NUP205: variants seen among roughly 807,000 people sequenced by gnomAD.
The protein encoded by NUP205 is nuclear pore complex protein Nup205.
Under a neutral mutation model 253.8 loss-of-function variants are expected in NUP205, and 76 were observed. The ratio of observed to expected loss-of-function variants is 0.30; its 90% CI spans 0.25 to 0.36. The LOEUF is 0.36. Among genes scored for constraint, NUP205 ranks in the 10% least tolerant of loss-of-function variants. The probability of loss-of-function intolerance (pLI) is 1.00; values close to 1 mark genes in which losing one functional copy is unlikely to be tolerated. For synonymous variants in NUP205, 832 were observed against 850.1 expected (o/e 0.98, Z 0.37); for missense variants, 2,162 against 2,425.5 (o/e 0.89, Z 2.28).
chr7:135,607,409 G>T lies in NUP205; in HGVS notation c.3195+38G>T, dbSNP rs145973956. 3 of 1,604,492 alleles carry T rather than the reference G, an allele frequency of 1.9e-6. No individual in the cohort carries two copies. In the African/African-American group the frequency reaches 4.0e-5, roughly 22 times the overall value. ...CTGCGTTTTGTGGTACTGAATAGAA[G>T]AAACTTGACCAGGTGCATGAGTACG... On this transcript the variant is annotated intron_variant, in intron 22 of 42. Coordinates refer to ENST00000285968, the MANE Select transcript of NUP205 (RefSeq NM_015135.3).
At chr7:135,631,549 T>A (rs1056136770) in intron 35 of NUP205, among the ~76,000 whole-genome samples, 109 of 152,344 alleles carry the variant, frequency 7.2e-4, no homozygotes, top group African/African-American at 2.3e-3. Flanking sequence ...AGATGATGTT[T>A]GCTTATATCA....
At chr7:135,639,507 T>A (rs188497395) in intron 38 of NUP205, among the ~76,000 whole-genome samples, 104 of 152,160 alleles carry the variant, frequency 6.8e-4, no homozygotes, top group Non-Finnish European at 1.3e-3. Context: ...CTGGCCAACA[T>A]GGTGAAACCC....
At chr7:135,601,297 C>A in intron 16 of NUP205, 73 bp from the exon 17 acceptor site, 1 of 1,333,748 alleles carries the variant, frequency 7.5e-7, no homozygotes, top group Non-Finnish European at 1.0e-6. Context: ...AAGTCTCATA[C>A]ATTTCATATA....
Position 135,635,610 on chromosome 7 carries a change from A to G in NUP205, c.5089A>G (p.Asn1697Asp), listed in dbSNP as rs772866122. The change falls in exon 36 of 43, where the codon AAT (asparagine) becomes GAT (aspartate). Residue 1697 changes from asparagine (N) to aspartate (D), a missense_variant. By Grantham distance (23) the Asn-to-Asp change is conservative. Around this residue, in one of 5 missense-constraint regions of NUP205, gnomAD observed 1,144 missense variants for 1,280.9 expected, o/e 0.89. Coordinates refer to ENST00000285968, the MANE Select transcript of NUP205 (RefSeq NM_015135.3). ...ATTAAGTGAACTTGACGTTGATGTA[A>G]ATGAAGGGTCTCTAATGGAGCTACA... Reference protein sequence around the residue: ...GILSELDVDVNEGSLMELQGH... With the variant: ...GILSELDVDVDEGSLMELQGH... 2 of 1,595,104 alleles carry G rather than the reference A, an allele frequency of 1.3e-6. No homozygotes were observed. Among genetic ancestry groups the G allele is most frequent in the South Asian group, 1.1e-5 (1 of 89,624 alleles).
At chr7:135,617,778 T>G (rs1288140479) in intron 27 of NUP205, 96 bp downstream of exon 27, 1 of 636,544 alleles carries the variant, frequency 1.6e-6, no homozygotes, top group East Asian at 2.8e-5. Context: ...AGTTTGCTAA[T>G]TAGTAAGCTG....
At position 135,594,854 on chromosome 7, in the gene NUP205, G is replaced by A. The variant is rs181775098; in HGVS notation, c.2013+125G>A. 3.9e-4 allele frequency: 278 copies of A among 714,100 alleles called. No individual in the cohort carries two copies. The African/African-American group carries it at 4.1e-3, about 10-fold the overall frequency. The allele number at this position is 714,100 out of a possible 1,614,324, so 44.2% of individuals were successfully genotyped here. A position where few individuals can be genotyped will look rare whatever the true frequency, so the allele number is the denominator to read the frequency against. On this transcript the variant is annotated intron_variant, in intron 13 of 42. Coordinates refer to ENST00000285968, the MANE Select transcript of NUP205 (RefSeq NM_015135.3). ...TCATGAACATCCCAACTAGAGTTAC[G>A]GTTTAGGGACTGAGCATAGCAATAG...
chr7:135,598,415 C>T (rs1459235263), intron 15 of NUP205, among the ~76,000 whole-genome samples: 1 of 152,146 alleles, frequency 6.6e-6, no homozygotes, highest in East Asian at 1.9e-4. Context: ...CATTAGTCAT[C>T]AGTAATCTAA....
intron 1 of NUP205, among the ~76,000 whole-genome samples, chr7:135,561,924 C>CTTCCTTCT (rs1819497527): frequency 6.6e-6 from 1 of 151,318 alleles, no homozygotes; most frequent in Admixed American, 6.6e-5. Context: ...TCCCTCCTTC[C>CTTCCTTCT]TTCCTTCCTT....
chr7:135,575,736 A>G (rs1485384917), intron 3 of NUP205, among the ~76,000 whole-genome samples: 1 of 152,176 alleles, frequency 6.6e-6, no homozygotes, highest in Non-Finnish European at 1.5e-5. Context: ...CAGAGGTTGC[A>G]GTGAGATCAC....
intron 19 of NUP205, 110 bp from the exon 20 acceptor site, chr7:135,606,035 G>C (rs1196618658): frequency 1.4e-6 from 1 of 724,920 alleles, no homozygotes; most frequent in Non-Finnish European, 2.4e-6. Context: ...TACCTAAGCA[G>C]GTTTGCCTAT....
At chr7:135,632,180 T>G (rs1794728391) in intron 35 of NUP205, among the ~76,000 whole-genome samples, 1 of 152,236 alleles carries the variant, frequency 6.6e-6, no homozygotes, top group Non-Finnish European at 1.5e-5. Flanking sequence ...GATTATGATT[T>G]TCTTTTGCTT....
chr7:135,587,483 A>G (rs1165751380), intron 8 of NUP205, 92 bp from the exon 9 acceptor site: 4 of 570,742 alleles, frequency 7.0e-6, no homozygotes, highest in Non-Finnish European at 1.2e-5. Flanking sequence ...ATATTCTTGT[A>G]TGTAGTCACT....
intron 11 of NUP205, among the ~76,000 whole-genome samples, chr7:135,591,980 C>T (rs1198148536): frequency 2.6e-5 from 4 of 152,066 alleles, no homozygotes; most frequent in Non-Finnish European, 5.9e-5. Context: ...TCTTGACTGT[C>T]TCCCAGTTTT....
intron 22 of NUP205, among the ~76,000 whole-genome samples, chr7:135,609,191 G>A (rs1160355978): frequency 6.6e-6 from 1 of 151,540 alleles, no homozygotes. Context: ...ACATTTTTAG[G>A]ATAAGAAATG....
intron 38 of NUP205, among the ~76,000 whole-genome samples, chr7:135,639,063 A>C (rs1163658754): frequency 6.6e-6 from 1 of 152,186 alleles, no homozygotes; most frequent in South Asian, 2.1e-4. Flanking sequence ...TATAGCTCCA[A>C]ATTTCTATAA....
chr7:135,640,308 A>T (rs975250382), intron 38 of NUP205, among the ~76,000 whole-genome samples: 2 of 152,242 alleles, frequency 1.3e-5, no homozygotes, highest in African/African-American at 4.8e-5. Context: ...GATAAATTCT[A>T]TTATAAAAGG....
chr7:135,587,517 T>C (rs1186427954), intron 8 of NUP205, 58 bp from the exon 9 acceptor site: 10 of 967,020 alleles, frequency 1.0e-5, no homozygotes, highest in Non-Finnish European at 1.1e-5. Flanking sequence ...CTGATTTCAT[T>C]ATTATTAGCA....
At chr7:135,569,021 GTTTGTCTTA>G (rs1805866579) in intron 1 of NUP205, among the ~76,000 whole-genome samples, 1 of 151,872 alleles carries the variant, frequency 6.6e-6, no homozygotes. Context: ...GACAAAGATT[GTTTGTCTTA>G]TCTTCTTTGA....
intron 34 of NUP205, among the ~76,000 whole-genome samples, chr7:135,629,979 C>G (rs1584686370): frequency 6.6e-6 from 1 of 152,178 alleles, no homozygotes; most frequent in South Asian, 2.1e-4. Context: ...CATTCTTACT[C>G]TAGTTCATTT....
Sources: gnomAD v4.1 joint callset for allele counts (sites outside exome capture counted in the v4.1 genomes callset) on GRCh38, gnomAD v4.1.1 for gene constraint, gnomAD v4.1.1 regional missense constraint, MANE v1.5 for transcripts, NCBI Gene and HGNC (gene_info 2026-07-23, HGNC 2026-07-21) for gene names.